The following NRXN3 variants were observed in gnomAD, a reference collection of about 807,000 sequenced individuals.
NRXN3 encodes the protein neurexin III.
NRXN3 carries 32 observed loss-of-function variants against 137.6 expected under a neutral mutation model. The ratio of observed to expected loss-of-function variants is 0.23; its 90% confidence interval spans 0.18 to 0.31. The LOEUF (loss-of-function observed/expected upper bound fraction) is 0.31. Ranked by LOEUF, NRXN3 falls within the 10% of genes least tolerant of loss-of-function variation. The pLI is 1.00. For synonymous variants in NRXN3, 798 were observed against 784.5 expected (o/e 1.02, Z -0.29); for missense variants, 1,574 against 2,062.5 (o/e 0.76, Z 4.59).
intron 15 of NRXN3, among the ~76,000 whole-genome samples, chr14:79,049,353 C>T (rs1034622741): frequency 6.6e-6 from 1 of 152,150 alleles, no homozygotes; most frequent in Admixed American, 6.6e-5. Flanking sequence ...GCTTATCATA[C>T]GAAGCAACTC....
At chr14:78,683,086 C>T (rs2098091491) in intron 6 of NRXN3, among the ~76,000 whole-genome samples, 2 of 152,130 alleles carry the variant, frequency 1.3e-5, no homozygotes, top group East Asian at 1.9e-4. Context: ...TAAAATCACA[C>T]TGTATATTGA....
intron 16 of NRXN3, among the ~76,000 whole-genome samples, chr14:79,629,930 C>A (rs2098327418): frequency 6.6e-6 from 1 of 151,816 alleles, no homozygotes; most frequent in African/African-American, 2.4e-5. Flanking sequence ...AAAACCTAAA[C>A]AGAGAATAAT....
At chr14:79,185,504 T>C (rs2063425106) in intron 15 of NRXN3, among the ~76,000 whole-genome samples, 2 of 151,682 alleles carry the variant, frequency 1.3e-5, no homozygotes, top group Non-Finnish European at 1.5e-5. Context: ...CTTGCACTGT[T>C]GCCCAGGCTG....
chr14:78,728,672 C>T (rs779189698), intron 8 of NRXN3, among the ~76,000 whole-genome samples: 3 of 151,876 alleles, frequency 2.0e-5, no homozygotes, highest in African/African-American at 4.8e-5. Flanking sequence ...TAGAGGTGGG[C>T]GGATCACGAG....
chr14:79,072,148 T>C (rs1447088382), intron 15 of NRXN3: 1 of 152,180 alleles, frequency 6.6e-6, no homozygotes, highest in Non-Finnish European at 1.5e-5. Flanking sequence ...GGGTTTCTGA[T>C]TATTTTTAAA....
chr14:78,538,254 G>T (rs1281034084), intron 4 of NRXN3, among the ~76,000 whole-genome samples: 1 of 152,184 alleles, frequency 6.6e-6, no homozygotes, highest in Non-Finnish European at 1.5e-5. Context: ...AGCATGGAAT[G>T]TACTTCCATT....
intron 15 of NRXN3, among the ~76,000 whole-genome samples, chr14:79,097,286 G>T (rs2050522310): frequency 6.6e-6 from 1 of 152,100 alleles, no homozygotes; most frequent in Non-Finnish European, 1.5e-5. Flanking sequence ...TCCCAGTTTT[G>T]AGAAAAGCTA....
intron 17 of NRXN3, among the ~76,000 whole-genome samples, chr14:79,665,304 C>G (rs1362413685): frequency 6.6e-6 from 1 of 152,100 alleles, no homozygotes; most frequent in East Asian, 1.9e-4. Context: ...TTCCATAAAA[C>G]AGCCAGCTCA....
intron 10 of NRXN3, among the ~76,000 whole-genome samples, chr14:78,908,392 G>A (rs1429270814): frequency 6.6e-6 from 1 of 151,884 alleles, no homozygotes; most frequent in Non-Finnish European, 1.5e-5. Flanking sequence ...ATCTTGCTAT[G>A]GGGAACTTTC....
At chr14:78,245,786 G>C (rs1033021014) in intron 2 of NRXN3, among the ~76,000 whole-genome samples, 6 of 152,142 alleles carry the variant, frequency 3.9e-5, no homozygotes, top group Non-Finnish European at 7.3e-5. Context: ...CTCCCTTCCT[G>C]TGGGTGGGCT....
chr14:79,741,928 T>C (rs2098964671), intron 19 of NRXN3, among the ~76,000 whole-genome samples: 1 of 152,312 alleles, frequency 6.6e-6, no homozygotes, highest in Admixed American at 6.5e-5. Context: ...ATTTGTTGTC[T>C]AGATATTATA....
At chr14:79,804,831 G>A (rs1021971008) in intron 19 of NRXN3, among the ~76,000 whole-genome samples, 4 of 152,056 alleles carry the variant, frequency 2.6e-5, no homozygotes, top group Admixed American at 1.3e-4. Flanking sequence ...GCTACAAAAT[G>A]TCATTTATGG....
intron 4 of NRXN3, among the ~76,000 whole-genome samples, chr14:78,578,210 G>A (rs554430654): frequency 6.6e-6 from 1 of 152,224 alleles, no homozygotes; most frequent in East Asian, 1.9e-4. Flanking sequence ...TTTATCATAG[G>A]CATCACATGG....
chr14:79,426,471 G>A (rs903826471), intron 15 of NRXN3, among the ~76,000 whole-genome samples: 8 of 152,322 alleles, frequency 5.3e-5, no homozygotes, highest in African/African-American at 7.2e-5. Flanking sequence ...TGAAGATCAA[G>A]CTATGTTTTC....
intron 15 of NRXN3, among the ~76,000 whole-genome samples, chr14:79,270,150 C>T (rs145994500): frequency 4.1e-4 from 62 of 152,308 alleles, no homozygotes; most frequent in African/African-American, 1.4e-3. Context: ...ACTCCATCCT[C>T]TTGCTTCAGG....
intron 2 of NRXN3, among the ~76,000 whole-genome samples, chr14:78,250,612 T>A (rs138960848): frequency 1.3e-5 from 2 of 152,224 alleles, no homozygotes; most frequent in Non-Finnish European, 2.9e-5. Flanking sequence ...TGTGGTGTTC[T>A]GGCCTCAGCA....
intron 10 of NRXN3, among the ~76,000 whole-genome samples, chr14:78,865,117 G>A (rs1374993380): frequency 6.6e-6 from 1 of 151,934 alleles, no homozygotes; most frequent in Non-Finnish European, 1.5e-5. Flanking sequence ...TTCATCCATG[G>A]CACTCATTAA....
chr14:78,318,215 C>A (rs61976029), intron 4 of NRXN3, among the ~76,000 whole-genome samples: 5,609 of 152,192 alleles, frequency 0.037, 136 homozygotes, highest in African/African-American at 0.072. Context: ...AAGGGGAAGG[C>A]CATTGGTATC....
chr14:78,545,415 C>T (rs1198771348), intron 4 of NRXN3, among the ~76,000 whole-genome samples: 1 of 151,898 alleles, frequency 6.6e-6, no homozygotes, highest in Non-Finnish European at 1.5e-5. Flanking sequence ...TTGATGTCTC[C>T]CCTCTTCTCC....
Sources: allele counts gnomAD v4.1 joint callset (sites outside exome capture counted in the v4.1 genomes callset), GRCh38; gene constraint gnomAD v4.1.1; transcripts MANE v1.5; gene names NCBI Gene and HGNC (gene_info 2026-07-23, HGNC 2026-07-21).